RFC1: variants seen among roughly 807,000 people sequenced by gnomAD.
RFC1 encodes A1 140 kDa subunit.
A neutral mutation model predicts 137.4 loss-of-function variants in RFC1; 37 were observed. The ratio of observed to expected loss-of-function variants is 0.27; its 90% CI spans 0.21 to 0.35. The LOEUF (loss-of-function observed/expected upper bound fraction) is 0.35, where lower values mean the gene tolerates loss of function less well. RFC1 is among the 10% of genes least tolerant of loss of function. The probability of loss-of-function intolerance (pLI) is 1.00; values close to 1 mark genes in which losing one functional copy is unlikely to be tolerated. For missense variants in RFC1, 1,205 were observed against 1,358.5 expected (o/e 0.89, Z 1.78); for synonymous variants, 429 against 455.7 (o/e 0.94, Z 0.75).
chr4:39,353,575 AGAG>A (rs1339391809), intron 1 of RFC1, among the ~76,000 whole-genome samples: 4 of 152,274 alleles, frequency 2.6e-5, no homozygotes, highest in South Asian at 2.1e-4. Context: ...CAGATGCTAA[AGAG>A]GAGAAGAACA....
At chr4:39,358,034 G>A (rs1383492107) in intron 1 of RFC1, among the ~76,000 whole-genome samples, 2 of 152,044 alleles carry the variant, frequency 1.3e-5, no homozygotes, top group African/African-American at 2.4e-5. Context: ...CAGCACTTTG[G>A]GAGGCCAAGG....
At chr4:39,338,624 CGGT>C (rs1393495827) in intron 4 of RFC1, among the ~76,000 whole-genome samples, 1 of 151,984 alleles carries the variant, frequency 6.6e-6, no homozygotes, top group Admixed American at 6.6e-5. Context: ...TCTTTGAAAT[CGGT>C]GTTGTTAAAA....
At chr4:39,339,688 T>C (rs1173159548) in intron 4 of RFC1, among the ~76,000 whole-genome samples, 1 of 152,222 alleles carries the variant, frequency 6.6e-6, no homozygotes, top group African/African-American at 2.4e-5. Flanking sequence ...ATCTGTAGGT[T>C]GTCATTTCAT....
chr4:39,298,836 G>A (rs1738174185), intron 21 of RFC1, among the ~76,000 whole-genome samples: 1 of 152,122 alleles, frequency 6.6e-6, no homozygotes, highest in African/African-American at 2.4e-5. Flanking sequence ...AGGCCAGATT[G>A]GGCCGGGCGC....
In RFC1 at chr4:39,300,471, C is replaced by T. The variant is rs201408366; in HGVS notation, c.2536-57G>A. On this transcript the variant is annotated intron_variant, in intron 19 of 24. Transcript: ENST00000349703. ...TGGCCAAAATTCAAAACGGTAACAT[C>T]ACCAAATGCTAACGAGGATATGGAA... 20 of 1,258,284 alleles carry T rather than the reference C, an allele frequency of 1.6e-5. No homozygotes were observed. The East Asian group carries it at 4.6e-4, about 29-fold the overall frequency. 77.9% of individuals were successfully genotyped at this position (1,258,284 alleles called of 1,614,324 possible).
intron 19 of RFC1, among the ~76,000 whole-genome samples, chr4:39,301,990 G>A (rs1738383435): frequency 1.3e-5 from 2 of 152,030 alleles, no homozygotes; most frequent in Non-Finnish European, 1.5e-5. Flanking sequence ...TTCCAAACAC[G>A]AAAGCCAAAC....
intron 1 of RFC1, among the ~76,000 whole-genome samples, chr4:39,359,352 T>G (rs541752077): frequency 1.2e-4 from 18 of 152,264 alleles, no homozygotes; most frequent in Non-Finnish European, 1.9e-4. Flanking sequence ...CTGTGGGAGA[T>G]ATATATATAC....
chr4:39,330,201 C>A (rs985225933), intron 4 of RFC1, among the ~76,000 whole-genome samples: 3 of 151,996 alleles, frequency 2.0e-5, no homozygotes, highest in Non-Finnish European at 4.4e-5. Flanking sequence ...AAAGGCCTTA[C>A]GTCCCAGGCA....
At chr4:39,301,481 T>C (rs7693837) in intron 19 of RFC1, among the ~76,000 whole-genome samples, 80,002 of 152,010 alleles carry the variant, frequency 0.53, 21,696 homozygotes, top group East Asian at 0.62. Flanking sequence ...GTAACAGATA[T>C]ACCACTGTGG....
chr4:39,364,683 T>G (rs1741933810), intron 1 of RFC1, among the ~76,000 whole-genome samples: 1 of 152,166 alleles, frequency 6.6e-6, no homozygotes. Flanking sequence ...AGCTGTGTAG[T>G]TGCCTAACAT....
intron 1 of RFC1, among the ~76,000 whole-genome samples, chr4:39,355,096 A>AAAACAC (rs1553927298): frequency 1.7e-5 from 1 of 60,154 alleles, no homozygotes. Context: ...AAAAAAAAAA[A>AAAACAC]ATACACACAC....
intron 10 of RFC1, among the ~76,000 whole-genome samples, chr4:39,316,513 A>G: frequency 6.6e-6 from 1 of 152,164 alleles, no homozygotes; most frequent in East Asian, 1.9e-4. Flanking sequence ...GTCACATTCT[A>G]CATGCCCCAC....
At chr4:39,292,859 G>C (rs1024841329) in intron 22 of RFC1, among the ~76,000 whole-genome samples, 3 of 151,880 alleles carry the variant, frequency 2.0e-5, no homozygotes, top group African/African-American at 7.2e-5. Flanking sequence ...TCTTGCCCAG[G>C]CTGGTCTCAA....
intron 4 of RFC1, 49 bp downstream of exon 4, chr4:39,342,296 T>C: frequency 6.5e-7 from 1 of 1,549,424 alleles, no homozygotes; most frequent in South Asian, 1.2e-5. Flanking sequence ...AACAAAAAAC[T>C]CAAGAACATA....
chr4:39,291,519 C>A (rs1737672623), intron 23 of RFC1, 120 bp downstream of exon 23: 2 of 703,682 alleles, frequency 2.8e-6, no homozygotes, highest in Admixed American at 4.4e-5. Flanking sequence ...CCATAAGAAG[C>A]AACAAGCATT....
At chr4:39,332,880 G>A (rs1378910838) in intron 4 of RFC1, among the ~76,000 whole-genome samples, 3 of 152,222 alleles carry the variant, frequency 2.0e-5, no homozygotes, top group Admixed American at 2.0e-4. Context: ...CACTTTGGGA[G>A]GCCAAGACGG....
intron 1 of RFC1, among the ~76,000 whole-genome samples, chr4:39,354,471 T>C (rs947712772): frequency 1.3e-5 from 2 of 152,176 alleles, no homozygotes; most frequent in Non-Finnish European, 2.9e-5. Context: ...ATAATTCTTG[T>C]TGAGCATATG....
chr4:39,341,601 G>A (rs1424255246), intron 4 of RFC1: 4 of 456,070 alleles, frequency 8.8e-6, no homozygotes, highest in East Asian at 6.9e-5. Flanking sequence ...GCTACTCAAT[G>A]TGTCAGGCAC....
chr4:39,353,408 AAAAAAAAAAAAATT>A (rs1741310421), intron 1 of RFC1, among the ~76,000 whole-genome samples: 1 of 150,872 alleles, frequency 6.6e-6, no homozygotes, highest in Non-Finnish European at 1.5e-5. Flanking sequence ...AAAAAAAAAA[AAAAAAAAAAAAATT>A]AAAAAAAAAG....
Sources: gnomAD v4.1 joint callset for allele counts (sites outside exome capture counted in the v4.1 genomes callset) on GRCh38, gnomAD v4.1.1 for gene constraint, MANE v1.5 for transcripts, NCBI Gene and HGNC (gene_info 2026-07-23, HGNC 2026-07-21) for gene names.